Variants in TGS1 observed in about 807,000 individuals in gnomAD.
TGS1 encodes trimethylguanosine synthase 1, also known as trimethylguanosine synthase.
In TGS1, 69 loss-of-function variants were observed where a neutral mutation model predicts 92.2. That is an observed-to-expected ratio of 0.75 (90% CI 0.62 to 0.91). The LOEUF (loss-of-function observed/expected upper bound fraction) is 0.91, where lower values mean the gene tolerates loss of function less well. Ranked by LOEUF, TGS1 falls within the 40% of genes least tolerant of loss-of-function variation. The probability of loss-of-function intolerance (pLI) is 0.00; values close to 1 mark genes in which losing one functional copy is unlikely to be tolerated. For missense variants in TGS1, 1,062 were observed against 1,001.2 expected, an observed-to-expected ratio of 1.06 and a Z score of -0.82; for synonymous variants, 345 against 338.1, an observed-to-expected ratio of 1.02 and a Z score of -0.22.
chr8:55,817,008 G>A (rs1010942863), intron 12 of TGS1, among the ~76,000 whole-genome samples: 1 of 152,098 alleles, frequency 6.6e-6, no homozygotes, highest in African/African-American at 2.4e-5. Flanking sequence ...GGGACTGCAG[G>A]CGCACACCAC....
intron 1 of TGS1, among the ~76,000 whole-genome samples, chr8:55,780,290 C>T (rs1241468823): frequency 1.3e-5 from 2 of 151,876 alleles, no homozygotes; most frequent in Admixed American, 6.6e-5. Context: ...CCAGCTCAGC[C>T]TCCCATATAG....
chr8:55,817,289 T>G (rs1233278980), intron 12 of TGS1, among the ~76,000 whole-genome samples: 2 of 152,196 alleles, frequency 1.3e-5, no homozygotes, highest in Admixed American at 6.5e-5. Context: ...TTTTGGTAGG[T>G]AGGTAAGTAG....
rs114464066 is a variant in TGS1 at position 55,821,544 on chromosome 8, G to T, written c.2440-3037G>T. ...AACTACCCTACCTTCTCAGAAATTGGTTTTTATGGAATTCTATTTATGGCT... is the reference window on the plus strand; with the variant it reads ...AACTACCCTACCTTCTCAGAAATTGTTTTTTATGGAATTCTATTTATGGCT... On this transcript the variant is annotated intron_variant, in intron 12 of 12. Transcript: ENST00000260129. 5.1e-4 allele frequency among the ~76,000 whole-genome samples: 77 copies of T among 152,202 alleles called. 1 individual carries two copies. Among genetic ancestry groups the T allele is most frequent in the African/African-American group, 1.7e-3 (72 of 41,528 alleles).
intron 10 of TGS1, among the ~76,000 whole-genome samples, chr8:55,807,224 G>A (rs551763798): frequency 1.5e-4 from 23 of 151,974 alleles, no homozygotes; most frequent in Middle Eastern, 6.8e-3. Context: ...CACCACGCCC[G>A]GCCATTTAAC....
At chr8:55,779,156 A>G (rs1360788301) in intron 1 of TGS1, among the ~76,000 whole-genome samples, 1 of 152,260 alleles carries the variant, frequency 6.6e-6, no homozygotes, top group African/African-American at 2.4e-5. Context: ...AGGTACACTA[A>G]TCAAACTCAA....
At chr8:55,802,826 C>T (rs1367398644) in intron 9 of TGS1, among the ~76,000 whole-genome samples, 1 of 152,082 alleles carries the variant, frequency 6.6e-6, no homozygotes, top group Non-Finnish European at 1.5e-5. Context: ...CTTCTTAATA[C>T]TTTAGTGTAT....
chr8:55,785,146 C>A (rs1563451738), intron 2 of TGS1, among the ~76,000 whole-genome samples: 1 of 151,506 alleles, frequency 6.6e-6, no homozygotes, highest in Non-Finnish European at 1.5e-5. Context: ...CTCACTGCAA[C>A]CTCTGTCTCC....
chr8:55,813,767 C>G (rs1803398850), intron 12 of TGS1, among the ~76,000 whole-genome samples: 1 of 151,990 alleles, frequency 6.6e-6, no homozygotes. Context: ...GAATGTTAGT[C>G]TTTCCTATCT....
intron 8 of TGS1, among the ~76,000 whole-genome samples, chr8:55,801,503 GACCTCAGTGATCC>G (rs1201109702): frequency 1.3e-4 from 20 of 149,050 alleles, no homozygotes; most frequent in Middle Eastern, 3.5e-3. Flanking sequence ...TTGAACTCCT[GACCTCAGTGATCC>G]ACCTGCCTCA....
chr8:55,774,148 A>T (rs1212250837), intron 1 of TGS1, among the ~76,000 whole-genome samples: 1 of 152,238 alleles, frequency 6.6e-6, no homozygotes, highest in African/African-American at 2.4e-5. Context: ...TAAAACTTCA[A>T]ACTAGTTGAG....
intron 2 of TGS1, 114 bp downstream of exon 2, chr8:55,782,926 C>A: frequency 1.5e-6 from 1 of 664,552 alleles, no homozygotes; most frequent in Non-Finnish European, 2.5e-6. Context: ...AATATAAATG[C>A]CAAATAATTC....
At chr8:55,791,957 G>C (rs1236894048) in intron 5 of TGS1, among the ~76,000 whole-genome samples, 1 of 152,070 alleles carries the variant, frequency 6.6e-6, no homozygotes, top group Non-Finnish European at 1.5e-5. Context: ...CTGGATATGG[G>C]GTGCTCCACG....
chr8:55,785,768 A>C lies in TGS1; in HGVS notation c.216A>C (p.Ala72=). 6 of 1,613,656 alleles carry C rather than the reference A, an allele frequency of 3.7e-6. No homozygotes were observed. Among genetic ancestry groups the C allele is most frequent in the Non-Finnish European group, 5.1e-6 (6 of 1,179,770 alleles). ...AAGGTGGTTATTCCTGTGGTACTGC[A>C]GAATCACATGACAGCAAAGGCATAG... The part of the protein sequence containing the change: ...EEEGGYSCGT[A]ESHDSKGIGL... Residue 72 remains alanine, a synonymous_variant, in exon 3 of 13, where the codon GCA becomes GCC. Coordinates refer to ENST00000260129, the MANE Select transcript of TGS1 (RefSeq NM_024831.8).
Position 55,782,794 on chromosome 8 carries a change from G to GT in TGS1, c.148_149insT (p.Asp50ValfsTer27), listed in dbSNP as rs1449696647. ...GGGATTAAAAGGCTATTACATCAGA[G>GT]ACAGTGGCAACAATTCAGGTAATAT... On this transcript the variant is annotated frameshift_variant, in exon 2 of 13. Coordinates refer to ENST00000260129, the MANE Select transcript of TGS1 (RefSeq NM_024831.8). LOFTEE classifies it high-confidence loss of function. The GT allele has an allele frequency of 6.2e-7, 1 of 1,610,126 alleles. No individual in the cohort carries two copies. The highest frequency in any genetic ancestry group is 8.5e-7 in the Non-Finnish European group (1 of 1,178,398).
At chr8:55,775,085 A>G (rs985319651) in intron 1 of TGS1, among the ~76,000 whole-genome samples, 1 of 152,062 alleles carries the variant, frequency 6.6e-6, no homozygotes, top group Non-Finnish European at 1.5e-5. Flanking sequence ...CCTCATCTGT[A>G]CTGAAATTTT....
chr8:55,822,289 C>G lies in TGS1; in HGVS notation c.2440-2292C>G, dbSNP rs572745992. ...GTTTTACCTTGTTTGCCAGGATGGT[C>G]TCGATCTCCTGACCTCGTGATCCAC... On this transcript the variant is annotated intron_variant, in intron 12 of 12. Transcript: ENST00000260129. Among the ~76,000 whole-genome samples the G allele has an allele frequency of 4.3e-4, 65 of 152,158 alleles. 2 individuals carry two copies. The South Asian group carries it at 0.013, about 30-fold the overall frequency.
chr8:55,799,240 A>T lies in TGS1; in HGVS notation c.1849+20A>T, dbSNP rs1237005757. 3 of 1,570,112 alleles carry T rather than the reference A, an allele frequency of 1.9e-6. No homozygotes were observed. Among genetic ancestry groups the T allele is most frequent in the Non-Finnish European group, 1.7e-6 (2 of 1,163,376 alleles). ...CTGAAGGTAACACTAAATATGCTTC[A>T]ACTTGCTAATGGATTTAGATAAAAT... On this transcript the variant is annotated intron_variant, in intron 8 of 12. Coordinates refer to ENST00000260129, the MANE Select transcript of TGS1 (RefSeq NM_024831.8).
chr8:55,773,795 T>C, intron 1 of TGS1, 76 bp downstream of exon 1: 2 of 1,207,968 alleles, frequency 1.7e-6, no homozygotes, highest in Non-Finnish European at 2.4e-6. Flanking sequence ...AACGTGGTTG[T>C]AATTGATCCC....
intron 10 of TGS1, among the ~76,000 whole-genome samples, chr8:55,807,901 A>G (rs894250230): frequency 1.3e-5 from 2 of 152,186 alleles, no homozygotes; most frequent in African/African-American, 4.8e-5. Flanking sequence ...TATACCTATC[A>G]ATGATAGTTT....
Sources: gnomAD v4.1 joint callset for allele counts (sites outside exome capture counted in the v4.1 genomes callset) on GRCh38, gnomAD v4.1.1 for gene constraint, MANE v1.5 for transcripts, NCBI Gene and HGNC (gene_info 2026-07-23, HGNC 2026-07-21) for gene names.